Variants in IMMP2L observed in about 807,000 individuals in gnomAD.
The protein encoded by IMMP2L is mitochondrial inner membrane protease subunit 2.
In IMMP2L, 18 loss-of-function variants were observed where a neutral mutation model predicts 19.3. The ratio of observed to expected loss-of-function variants is 0.93; its 90% CI spans 0.64 to 1.38. The LOEUF (loss-of-function observed/expected upper bound fraction) is 1.38. Among genes scored for constraint, IMMP2L ranks in the 40% most tolerant of loss-of-function variants. The pLI, the probability that IMMP2L is intolerant of heterozygous loss-of-function variation, is 0.00. For synonymous variants in IMMP2L, 76 were observed against 73.0 expected, an observed-to-expected ratio of 1.04 and a Z score of -0.21; for missense variants, 233 against 218.2, an observed-to-expected ratio of 1.07 and a Z score of -0.43.
intron 3 of IMMP2L, among the ~76,000 whole-genome samples, chr7:111,368,035 A>G (rs1249912569): frequency 6.6e-6 from 1 of 151,852 alleles, no homozygotes; most frequent in Non-Finnish European, 1.5e-5. Flanking sequence ...ACCAGAGACA[A>G]AAGGATAGAA....
At chr7:111,172,979 T>C (rs1238523603) in intron 3 of IMMP2L, among the ~76,000 whole-genome samples, 1 of 151,560 alleles carries the variant, frequency 6.6e-6, no homozygotes, top group Non-Finnish European at 1.5e-5. Flanking sequence ...AAGAGAGAAC[T>C]GTAACCTGCT....
intron 3 of IMMP2L, among the ~76,000 whole-genome samples, chr7:111,003,787 C>T (rs982775300): frequency 7.2e-5 from 11 of 152,154 alleles, no homozygotes; most frequent in Non-Finnish European, 1.5e-4. Context: ...GCTGGAATTA[C>T]AGACATGAGA....
At chr7:110,944,798 A>G (rs1195042101) in intron 4 of IMMP2L, among the ~76,000 whole-genome samples, 1 of 151,892 alleles carries the variant, frequency 6.6e-6, no homozygotes, top group Non-Finnish European at 1.5e-5. Flanking sequence ...GTGTATATGT[A>G]TGTGTGTACA....
At chr7:111,141,026 A>G (rs1197112918) in intron 3 of IMMP2L, among the ~76,000 whole-genome samples, 1 of 152,192 alleles carries the variant, frequency 6.6e-6, no homozygotes, top group East Asian at 1.9e-4. Flanking sequence ...GACTTTTTAA[A>G]TTGAAAAATG....
chr7:111,371,314 A>C (rs1398650138), intron 3 of IMMP2L, among the ~76,000 whole-genome samples: 1 of 151,866 alleles, frequency 6.6e-6, no homozygotes, highest in African/African-American at 2.4e-5. Context: ...CTTCTCTCAA[A>C]ATGTCTGCAT....
intron 3 of IMMP2L, chr7:111,483,451 G>A (rs1401608615): frequency 6.6e-6 from 1 of 152,098 alleles, no homozygotes; most frequent in Non-Finnish European, 1.5e-5. Flanking sequence ...ATATACTATA[G>A]TGAGGACTTG....
At chr7:111,392,775 T>C (rs1832488395) in intron 3 of IMMP2L, 1 of 456,400 alleles carries the variant, frequency 2.2e-6, no homozygotes, top group Admixed American at 2.4e-5. Context: ...AGAGTGGTCA[T>C]AAAACTCCAA....
intron 3 of IMMP2L, among the ~76,000 whole-genome samples, chr7:111,284,777 T>C (rs1820308759): frequency 6.6e-6 from 1 of 152,126 alleles, no homozygotes; most frequent in South Asian, 2.1e-4. Flanking sequence ...CTGTGAGCAA[T>C]GAAAGTTCAA....
At chr7:111,355,369 A>G (rs566396062) in intron 3 of IMMP2L, among the ~76,000 whole-genome samples, 1 of 151,988 alleles carries the variant, frequency 6.6e-6, no homozygotes, top group Non-Finnish European at 1.5e-5. Context: ...TTTATACACT[A>G]TAAATCTTTA....
intron 4 of IMMP2L, among the ~76,000 whole-genome samples, chr7:110,954,087 C>T (rs117800458): frequency 0.011 from 1,693 of 152,152 alleles, 15 homozygotes; most frequent in African/African-American, 0.021. Context: ...GTGTGATTAG[C>T]GAGAGAGAAA....
At chr7:110,928,706 T>C (rs1815143165) in intron 4 of IMMP2L, among the ~76,000 whole-genome samples, 1 of 152,124 alleles carries the variant, frequency 6.6e-6, no homozygotes, top group East Asian at 1.9e-4. Context: ...GTTATTACAC[T>C]AGATTTTAAC....
chr7:110,930,910 C>A (rs1815404777), intron 4 of IMMP2L, among the ~76,000 whole-genome samples: 1 of 152,192 alleles, frequency 6.6e-6, no homozygotes, highest in Non-Finnish European at 1.5e-5. Flanking sequence ...TAGTACCCAG[C>A]AAAGTGCTAT....
chr7:111,487,367 T>C, intron 2 of IMMP2L, 26 bp from the exon 3 acceptor site: 1 of 1,283,350 alleles, frequency 7.8e-7, no homozygotes, highest in Non-Finnish European at 1.1e-6. Context: ...AAAGAGACAC[T>C]TCTATCATTT....
intron 5 of IMMP2L, among the ~76,000 whole-genome samples, chr7:110,775,572 C>T (rs1379516118): frequency 6.6e-6 from 1 of 152,124 alleles, no homozygotes; most frequent in African/African-American, 2.4e-5. Flanking sequence ...ATGTTTTAAA[C>T]TTTCAAATAC....
At chr7:111,178,995 G>A (rs547346522) in intron 3 of IMMP2L, among the ~76,000 whole-genome samples, 64 of 151,944 alleles carry the variant, frequency 4.2e-4, no homozygotes, top group Non-Finnish European at 8.2e-4. Context: ...CAGAGCCATC[G>A]GCAGAATCAT....
At chr7:110,994,192 C>T (rs75520466) in intron 3 of IMMP2L, among the ~76,000 whole-genome samples, 2 of 151,746 alleles carry the variant, frequency 1.3e-5, no homozygotes, top group African/African-American at 2.4e-5. Context: ...TGACAAACCC[C>T]GGTTGATCTC....
intron 3 of IMMP2L, among the ~76,000 whole-genome samples, chr7:110,981,471 C>A (rs1028761293): frequency 6.6e-6 from 1 of 151,310 alleles, no homozygotes; most frequent in African/African-American, 2.4e-5. Context: ...AACTATACTC[C>A]TGGAGCATGA....
At chr7:111,062,068 A>G (rs1023851559) in intron 3 of IMMP2L, among the ~76,000 whole-genome samples, 2 of 151,984 alleles carry the variant, frequency 1.3e-5, no homozygotes, top group African/African-American at 4.8e-5. Context: ...TCCTTAAAGT[A>G]TTTTCTGTAA....
intron 3 of IMMP2L, among the ~76,000 whole-genome samples, chr7:111,342,893 T>C (rs1402672812): frequency 6.6e-6 from 1 of 151,998 alleles, no homozygotes; most frequent in Non-Finnish European, 1.5e-5. Context: ...AACATAAAAG[T>C]TATGCAAAAC....
Sources: gnomAD v4.1 joint callset for allele counts (sites outside exome capture counted in the v4.1 genomes callset) on GRCh38, gnomAD v4.1.1 for gene constraint, MANE v1.5 for transcripts, NCBI Gene and HGNC (gene_info 2026-07-23, HGNC 2026-07-21) for gene names.